DCLK3: variants seen among roughly 807,000 people sequenced by gnomAD.
DCLK3 encodes serine/threonine-protein kinase DCLK3.
DCLK3 carries 30 observed loss-of-function variants against 46.4 expected under a neutral mutation model. That is an observed-to-expected ratio of 0.65 (90% CI 0.48 to 0.88). The LOEUF (loss-of-function observed/expected upper bound fraction) is 0.88, where lower values mean the gene tolerates loss of function less well. Among genes scored for constraint, DCLK3 ranks in the 40% least tolerant of loss-of-function variants. DCLK3 has a pLI of 0.00. For synonymous variants in DCLK3, 401 were observed against 339.2 expected (o/e 1.18, Z -2.00); for missense variants, 846 against 907.1 (o/e 0.93, Z 0.87).
chr3:36,759,291 C>T (rs530194754), intron 1 of DCLK3, among the ~76,000 whole-genome samples: 6 of 152,296 alleles, frequency 3.9e-5, no homozygotes, highest in South Asian at 2.1e-4. Context: ...CAGCCCCCTG[C>T]GCCCACAATT....
In DCLK3 at chr3:36,713,423, T is replaced by A. The variant is rs1182195458; in HGVS notation, c.*1905A>T. 2 of 152,256 alleles carry A rather than the reference T, an allele frequency of 1.3e-5. No individual in the cohort carries two copies. The highest frequency in any genetic ancestry group is 3.8e-4 in the East Asian group (2 of 5,200). The allele number at this position is 152,256 out of a possible 1,614,324, so 9.4% of individuals were successfully genotyped here. ...CTGGTGTCTTTATCAAAATATGTTC[T>A]AGTAGCAACTGAATCCAGCTTCCAG... On this transcript the variant is annotated 3_prime_UTR_variant, in exon 5 of 5. Coordinates refer to ENST00000636136, the MANE Select transcript of DCLK3 (RefSeq NM_001394672.2).
rs780999310 is a variant in DCLK3, at chr3:36,737,915, C to A, written c.1252G>T (p.Val418Phe). ...AAKAKKDLVE[V>F]LPVTEEGLRE... is the part of the protein sequence containing the mutation. ...AGCCCCTCCTCTGTGACAGGAAGAA[C>A]TTCCACAAGGTCCTTCTTGGCCTTG... Residue 418 changes from valine (V) to phenylalanine (F), a missense_variant, in exon 2 of 5, where the codon GTT (valine) becomes TTT (phenylalanine). Physicochemically the swap from Val to Phe is conservative, Grantham distance 50. Coordinates refer to ENST00000636136, the MANE Select transcript of DCLK3 (RefSeq NM_001394672.2). The surrounding 1 kb of genome is among the most constrained non-coding windows in gnomAD (Gnocchi z 4.4). 6.2e-7 allele frequency: 1 copy of A among 1,614,126 alleles called. No homozygotes were observed. The highest frequency in any genetic ancestry group is 1.1e-5 in the South Asian group (1 of 91,078).
At chr3:36,732,245 T>C (rs1701207870) in intron 2 of DCLK3, among the ~76,000 whole-genome samples, 1 of 152,232 alleles carries the variant, frequency 6.6e-6, no homozygotes, top group Non-Finnish European at 1.5e-5. Context: ...CCTATCCTTT[T>C]AGGTGGATGT....
At chr3:36,722,032 T>A (rs1271211533) in intron 2 of DCLK3, among the ~76,000 whole-genome samples, 1 of 152,194 alleles carries the variant, frequency 6.6e-6, no homozygotes, top group Non-Finnish European at 1.5e-5. Context: ...ATAGACACAC[T>A]TCCATTGTTG....
intron 2 of DCLK3, among the ~76,000 whole-genome samples, chr3:36,731,774 G>C (rs1404162616): frequency 6.6e-6 from 1 of 152,004 alleles, no homozygotes; most frequent in East Asian, 1.9e-4. Flanking sequence ...CTCTTGCTGG[G>C]ACCATGGCTG....
chr3:36,753,050 G>GA (rs1349363040), intron 1 of DCLK3, among the ~76,000 whole-genome samples: 2 of 152,072 alleles, frequency 1.3e-5, no homozygotes, highest in African/African-American at 4.8e-5. Context: ...GAACATTTAA[G>GA]AAAAACTTCT....
chr3:36,744,588 T>C (rs926863928), intron 1 of DCLK3, among the ~76,000 whole-genome samples: 2 of 152,238 alleles, frequency 1.3e-5, no homozygotes, highest in Non-Finnish European at 2.9e-5. Flanking sequence ...CATTAATGTC[T>C]TACTTATTGC....
chr3:36,761,897 G>A (rs1404498747), intron 1 of DCLK3, among the ~76,000 whole-genome samples: 1 of 152,140 alleles, frequency 6.6e-6, no homozygotes, highest in African/African-American at 2.4e-5. Context: ...GCTTTAGAAA[G>A]AAACTAAGAC....
intron 1 of DCLK3, among the ~76,000 whole-genome samples, chr3:36,760,200 C>T (rs1053182936): frequency 4.6e-5 from 7 of 152,178 alleles, no homozygotes; most frequent in Non-Finnish European, 8.8e-5. Context: ...CTGAACCCTC[C>T]CCATCATCTC....
rs1237268584 is a variant in DCLK3, at chr3:36,715,149, T to C, written c.*179A>G. The C allele has an allele frequency of 7.2e-6, 5 of 697,754 alleles. No individual in the cohort carries two copies. The highest frequency in any genetic ancestry group is 1.8e-5 in the African/African-American group (1 of 54,238). 43.2% of individuals were successfully genotyped at this position (697,754 alleles called of 1,614,324 possible). ...CTTTAAATATACAAATCTAAAAATA[T>C]GTTGTGACATTTAACATTGACTTAA... On this transcript the variant is annotated 3_prime_UTR_variant, in exon 5 of 5. Coordinates refer to ENST00000636136, the MANE Select transcript of DCLK3 (RefSeq NM_001394672.2).
In DCLK3 at chr3:36,712,859, T is replaced by G. The variant is rs1175817052; in HGVS notation, c.*2469A>C. 1.3e-5 allele frequency: 2 copies of G among 152,220 alleles called. No individual in the cohort carries two copies. The allele number at this position is 152,220 out of a possible 1,614,324, so 9.4% of individuals were successfully genotyped here. On this transcript the variant is annotated 3_prime_UTR_variant, in exon 5 of 5. Coordinates refer to ENST00000636136, the MANE Select transcript of DCLK3 (RefSeq NM_001394672.2). ...ACCAAATCATGCCCATTCAAGATGTTTCCACTTTGGGGCTACTACAAATAA... is the reference window on the plus strand; with the variant it reads ...ACCAAATCATGCCCATTCAAGATGTGTCCACTTTGGGGCTACTACAAATAA...
In DCLK3 at chr3:36,713,616, G is replaced by A. The variant is rs35721771; in HGVS notation, c.*1712C>T. On this transcript the variant is annotated 3_prime_UTR_variant, in exon 5 of 5. Transcript: ENST00000636136. ...TTTCAAGTTTCTAGGGGGTGTCAAC[G>A]GTTTGGTTTCCCGAGAAGCCAACTC... 0.3 allele frequency: 45,113 copies of A among 152,082 alleles called. 7,872 individuals are homozygous for A. Among genetic ancestry groups the A allele is most frequent in the East Asian group, 0.55 (2,844 of 5,138 alleles). The allele number at this position is 152,082 out of a possible 1,614,324, so 9.4% of individuals were successfully genotyped here.
chr3:36,730,465 CA>C (rs1400979161), intron 2 of DCLK3, among the ~76,000 whole-genome samples: 4 of 152,172 alleles, frequency 2.6e-5, no homozygotes, highest in African/African-American at 9.7e-5. Flanking sequence ...GTGAAGGAAA[CA>C]GACAAAGTTC....
rs1035799512 is a variant in DCLK3 at position 36,739,330 on chromosome 3, C to T, written c.83-246G>A. Among the ~76,000 whole-genome samples the T allele has an allele frequency of 5.3e-5, 8 of 152,296 alleles. 1 individual carries two copies. The South Asian group carries it at 1.7e-3, about 32-fold the overall frequency. On this transcript the variant is annotated intron_variant, in intron 1 of 4. Coordinates refer to ENST00000636136, the MANE Select transcript of DCLK3 (RefSeq NM_001394672.2). ...ATTCCTGTAGGCCTCACAGGGGCCCCCAGGATGGGCCACACCTCAGGAGCT... is the reference window on the plus strand; with the variant it reads ...ATTCCTGTAGGCCTCACAGGGGCCCTCAGGATGGGCCACACCTCAGGAGCT...
chr3:36,718,984 T>G (rs1483220540), intron 3 of DCLK3, among the ~76,000 whole-genome samples: 2 of 152,194 alleles, frequency 1.3e-5, no homozygotes, highest in African/African-American at 4.8e-5. Flanking sequence ...CATAAGAATT[T>G]CCTATGAAAA....
At chr3:36,721,280 AACACACAC>A (rs3034440) in intron 3 of DCLK3, among the ~76,000 whole-genome samples, 2 of 150,162 alleles carry the variant, frequency 1.3e-5, no homozygotes, top group Non-Finnish European at 3.0e-5. Context: ...AAACACAATA[AACACACAC>A]ACACACACAC....
chr3:36,725,704 C>T (rs1234748137), intron 2 of DCLK3, among the ~76,000 whole-genome samples: 1 of 152,202 alleles, frequency 6.6e-6, no homozygotes, highest in African/African-American at 2.4e-5. Flanking sequence ...ATCTGCCTAG[C>T]AAAGTAATAG....
At position 36,718,040 on chromosome 3, in the gene DCLK3, G is replaced by A. The variant is rs754075081; in HGVS notation, c.2230C>T (p.Leu744Phe). ...GAGATATTGTCCCAGTAAGGGGGGAGGAACTCAAAGTGGCCCAGCTGGATG... is the reference window on the plus strand; with the variant it reads ...GAGATATTGTCCCAGTAAGGGGGGAAGAACTCAAAGTGGCCCAGCTGGATG... ...NIIQLGHFEFLPPYWDNISDA... is the reference protein window; with the variant it reads ...NIIQLGHFEFFPPYWDNISDA... Residue 744 changes from leucine to phenylalanine, a missense_variant, in exon 4 of 5, where the codon CTC (leucine) becomes TTC (phenylalanine). Coordinates refer to ENST00000636136, the MANE Select transcript of DCLK3 (RefSeq NM_001394672.2). 1 of 1,614,148 alleles carries A rather than the reference G, an allele frequency of 6.2e-7. No homozygotes were observed. The highest frequency in any genetic ancestry group is 8.5e-7 in the Non-Finnish European group (1 of 1,180,024).
chr3:36,759,194 G>A (rs900010244), intron 1 of DCLK3, among the ~76,000 whole-genome samples: 1 of 152,156 alleles, frequency 6.6e-6, no homozygotes, highest in Non-Finnish European at 1.5e-5. Context: ...GCCTCAGAAT[G>A]AGGCTTAAGC....
Sources: gnomAD v4.1 joint callset for allele counts (sites outside exome capture counted in the v4.1 genomes callset) on GRCh38, gnomAD v4.1.1 for gene constraint, Gnocchi (gnomAD v3.1) non-coding constraint, MANE v1.5 for transcripts, NCBI Gene and HGNC (gene_info 2026-07-23, HGNC 2026-07-21) for gene names.